Variants in TPD52L2 observed in about 807,000 individuals in gnomAD.
The protein encoded by TPD52L2 is tumor protein D54.
Under a neutral mutation model 24.7 loss-of-function variants are expected in TPD52L2, and 19 were observed. That is an observed-to-expected ratio of 0.77 (90% CI 0.54 to 1.13). The LOEUF (loss-of-function observed/expected upper bound fraction) is 1.13. Ranked by LOEUF, TPD52L2 falls within the 50% of genes most tolerant of loss-of-function variation. The probability of loss-of-function intolerance (pLI) is 0.00; values close to 1 mark genes in which losing one functional copy is unlikely to be tolerated. For missense variants in TPD52L2, 236 were observed against 250.4 expected, an observed-to-expected ratio of 0.94 and a Z score of 0.39; for synonymous variants, 104 against 100.2, an observed-to-expected ratio of 1.04 and a Z score of -0.23.
At position 63,890,167 on chromosome 20, in the gene TPD52L2, A is replaced by T. The variant is rs141708730; in HGVS notation, c.*222A>T. On this transcript the variant is annotated 3_prime_UTR_variant, in exon 7 of 7. Coordinates refer to ENST00000346249, the MANE Select transcript of TPD52L2 (RefSeq NM_003288.4). ...ACACTCACGTTTGTAGATGAAACAG[A>T]TCACTGTGCTGTCCTTCCTAGGGGT... 2.0e-4 allele frequency: 214 copies of T among 1,057,624 alleles called. 1 individual carries two copies. In the African/African-American group the frequency reaches 3.2e-3, roughly 16 times the overall value. The allele number at this position is 1,057,624 out of a possible 1,614,324, so 65.5% of individuals were successfully genotyped here.
chr20:63,889,555 C>T (rs2053257126), intron 6 of TPD52L2, among the ~76,000 whole-genome samples: 1 of 152,152 alleles, frequency 6.6e-6, no homozygotes. Context: ...CTTCCTCCCG[C>T]CCTACCCCCG....
At chr20:63,879,334 C>G (rs1247102291) in intron 4 of TPD52L2, among the ~76,000 whole-genome samples, 1 of 152,236 alleles carries the variant, frequency 6.6e-6, no homozygotes, top group African/African-American at 2.4e-5. Flanking sequence ...AGGGACTGAT[C>G]ACAGTGGCAC....
rs550559293 is a variant in TPD52L2, at chr20:63,887,620, C to G, written c.477-1570C>G. ...CCAGCCATGAGGTAATGTATGCCTG[C>G]TCGCTGCGGCTCCAGAGCCGGGTGT... On this transcript the variant is annotated intron_variant, in intron 5 of 6. Transcript: ENST00000346249. 6.8e-6 allele frequency: 11 copies of G among 1,612,120 alleles called. No individual in the cohort carries two copies. The African/African-American group carries it at 1.5e-4, about 21-fold the overall frequency.
chr20:63,870,791 C>T (rs918052912), intron 2 of TPD52L2, among the ~76,000 whole-genome samples: 9 of 150,250 alleles, frequency 6.0e-5, no homozygotes, highest in Admixed American at 2.0e-4. Flanking sequence ...GATCTCGGCT[C>T]GCTGCAATCT....
At chr20:63,873,296 C>T (rs1015865989) in intron 2 of TPD52L2, among the ~76,000 whole-genome samples, 6 of 151,572 alleles carry the variant, frequency 4.0e-5, no homozygotes, top group African/African-American at 1.2e-4. Context: ...TTGAGACGAG[C>T]CTGACCAACA....
chr20:63,866,654 G>A (rs1401286602), intron 1 of TPD52L2, among the ~76,000 whole-genome samples: 2 of 149,910 alleles, frequency 1.3e-5, no homozygotes, highest in African/African-American at 4.9e-5. Flanking sequence ...GTAGAGACGG[G>A]GTTTCACTGT....
At chr20:63,873,438 G>A (rs1401055222) in intron 2 of TPD52L2, among the ~76,000 whole-genome samples, 1 of 151,446 alleles carries the variant, frequency 6.6e-6, no homozygotes, top group Non-Finnish European at 1.5e-5. Flanking sequence ...GCGGTGAGCC[G>A]AGGTCGTGCC....
intron 4 of TPD52L2, among the ~76,000 whole-genome samples, chr20:63,880,687 G>C (rs187633691): frequency 6.6e-6 from 1 of 151,958 alleles, no homozygotes; most frequent in African/African-American, 2.4e-5. Flanking sequence ...TCAGGAGATC[G>C]AGACCATCCT....
At chr20:63,885,398 C>G (rs2053054931) in intron 5 of TPD52L2, among the ~76,000 whole-genome samples, 1 of 152,238 alleles carries the variant, frequency 6.6e-6, no homozygotes, top group Non-Finnish European at 1.5e-5. Flanking sequence ...TTCAGTGGCT[C>G]CCTCCATGTC....
In TPD52L2 at chr20:63,890,011, T is replaced by C. The variant is rs1217302164; in HGVS notation, c.*66T>C. On this transcript the variant is annotated 3_prime_UTR_variant, in exon 7 of 7. Coordinates refer to ENST00000346249, the MANE Select transcript of TPD52L2 (RefSeq NM_003288.4). Reference sequence around the variant, plus strand: ...AGCCTCAGCATCACAGCCGCAGCTCTGTTCAGCGGAGCAGCCAGCCAGGGC... The same window carrying C: ...AGCCTCAGCATCACAGCCGCAGCTCCGTTCAGCGGAGCAGCCAGCCAGGGC... The C allele has an allele frequency of 9.4e-6, 15 of 1,603,768 alleles. No individual in the cohort carries two copies. Among genetic ancestry groups the C allele is most frequent in the Non-Finnish European group, 1.3e-5 (15 of 1,176,006 alleles).
intron 5 of TPD52L2, among the ~76,000 whole-genome samples, chr20:63,885,730 C>T (rs571241451): frequency 3.3e-5 from 5 of 152,344 alleles, no homozygotes; most frequent in South Asian, 4.1e-4. Context: ...GTGGACAGGG[C>T]GTGGACCCAG....
intron 1 of TPD52L2, 90 bp downstream of exon 1, chr20:63,865,474 C>A: frequency 1.4e-6 from 2 of 1,456,380 alleles, no homozygotes; most frequent in Non-Finnish European, 1.8e-6. Context: ...GACTCTCTGT[C>A]CTCTCGGTCT....
chr20:63,871,502 A>G (rs1247806393), intron 2 of TPD52L2, among the ~76,000 whole-genome samples: 3 of 151,282 alleles, frequency 2.0e-5, no homozygotes, highest in Non-Finnish European at 2.9e-5. Flanking sequence ...GGCGCACAGC[A>G]CCATGCCTGG....
At position 63,873,670 on chromosome 20, in the gene TPD52L2, G is replaced by C. The variant is rs746522367; in HGVS notation, c.168G>C (p.Val56=). 19 of 1,610,604 alleles carry C rather than the reference G, an allele frequency of 1.2e-5. No individual in the cohort carries two copies. The highest frequency in any genetic ancestry group is 8.5e-5 in the Admixed American group (5 of 59,062). The change falls in exon 3 of 7, where the codon GTG becomes GTC. Residue 56 remains valine (V), a splice_region_variant and synonymous_variant. Coordinates refer to ENST00000346249, the MANE Select transcript of TPD52L2 (RefSeq NM_003288.4). ...CATGTCAACTGCATGCTTTGCAGGTGGAAGAGGAAATTGTCACTCTGCGCC... is the reference window on the plus strand; with the variant it reads ...CATGTCAACTGCATGCTTTGCAGGTCGAAGAGGAAATTGTCACTCTGCGCC... ...EEELRAELTK[V]EEEIVTLRQV...
intron 4 of TPD52L2, among the ~76,000 whole-genome samples, chr20:63,880,761 G>A (rs1221698574): frequency 3.9e-5 from 6 of 152,100 alleles, no homozygotes; most frequent in African/African-American, 9.6e-5. Context: ...TGTGGTGGCG[G>A]GCGCCTGTAG....
At chr20:63,874,228 TTGTGTGTGTGTGTG>T (rs547406712) in intron 3 of TPD52L2, among the ~76,000 whole-genome samples, 2 of 139,954 alleles carry the variant, frequency 1.4e-5, no homozygotes, top group Non-Finnish European at 3.1e-5. Flanking sequence ...ATTTTTTTTT[TTGTGTGTGTGTGTG>T]TGTGTGTGTG....
intron 4 of TPD52L2, chr20:63,876,721 G>C: frequency 2.2e-6 from 1 of 455,918 alleles, no homozygotes. Context: ...GGGGGACCAG[G>C]CTGGCACTGC....
intron 5 of TPD52L2, chr20:63,886,121 C>T (rs1210551119): frequency 3.0e-5 from 43 of 1,450,566 alleles, no homozygotes; most frequent in Admixed American, 1.7e-4. Flanking sequence ...GGCCCTTGGG[C>T]GGCTGTGCTA....
intron 5 of TPD52L2, chr20:63,888,412 C>T (rs2053211011): frequency 6.6e-6 from 1 of 151,834 alleles, no homozygotes; most frequent in African/African-American, 2.4e-5. Context: ...TAGGGGACAG[C>T]AGAGAGGGGC....
Sources: gnomAD v4.1 joint callset for allele counts (sites outside exome capture counted in the v4.1 genomes callset) on GRCh38, gnomAD v4.1.1 for gene constraint, MANE v1.5 for transcripts, NCBI Gene and HGNC (gene_info 2026-07-23, HGNC 2026-07-21) for gene names.